BIRC6: variants seen among roughly 807,000 people sequenced by gnomAD.
BIRC6 encodes baculoviral IAP repeat containing 6, also known as dual E2 ubiquitin-conjugating enzyme/E3 ubiquitin-protein ligase BIRC6.
A neutral mutation model predicts 503.3 loss-of-function variants in BIRC6; 98 were observed. That is an observed-to-expected ratio of 0.19 (90% confidence interval 0.17 to 0.23). BIRC6 has a LOEUF of 0.23. Among genes scored for constraint, BIRC6 ranks in the 10% least tolerant of loss-of-function variants. The pLI, the probability that BIRC6 is intolerant of heterozygous loss-of-function variation, is 1.00. For missense variants in BIRC6, 5,360 were observed against 5,806.0 expected (o/e 0.92, Z 2.50); for synonymous variants, 2,240 against 2,078.7 (o/e 1.08, Z -2.11).
chr2:32,415,839 A>G lies in BIRC6; in HGVS notation c.2548A>G (p.Lys850Glu). The G allele has an allele frequency of 6.2e-7, 1 of 1,613,902 alleles. No homozygotes were observed. Among genetic ancestry groups the G allele is most frequent in the Non-Finnish European group, 8.5e-7 (1 of 1,179,880 alleles). ...GGAGCCAATAAAAATACAACATATC[A>G]AAGATCCCCAGGACACAATTACCTC... ...EEEPIKIQHI[K>E]DPQDTITSLI... is the part of the protein sequence containing the mutation. The change falls in exon 10 of 74, where the codon AAA becomes GAA. Residue 850 changes from lysine (K) to glutamate (E), a missense_variant. Transcript: ENST00000421745.
chr2:32,395,168 GACA>G (rs1481496098), intron 5 of BIRC6, among the ~76,000 whole-genome samples: 4 of 151,846 alleles, frequency 2.6e-5, no homozygotes, highest in African/African-American at 9.7e-5. Context: ...CAGCAACAAC[GACA>G]ACAACAGAAA....
intron 40 of BIRC6, 49 bp downstream of exon 40, chr2:32,485,808 T>A: frequency 8.2e-7 from 1 of 1,213,736 alleles, no homozygotes. Context: ...GATTCAGCTC[T>A]TCATCATTTT....
At position 32,369,996 on chromosome 2, in the gene BIRC6, A is replaced by G. The variant is rs954762054; in HGVS notation, c.326-7592A>G. On this transcript the variant is annotated intron_variant, in intron 1 of 73. Transcript: ENST00000421745. ...TATATATATATATATGTATGTATGT[A>G]TGTGTGTGTATATATATGCATATAT... Among the ~76,000 whole-genome samples the G allele has an allele frequency of 2.4e-3, 265 of 111,910 alleles. 8 individuals carry two copies. Among genetic ancestry groups the G allele is most frequent in the African/African-American group, 8.4e-3 (247 of 29,380 alleles). 73.4% of individuals were successfully genotyped at this position (111,910 alleles called of 152,430 possible).
At chr2:32,447,386 T>C (rs1216155741) in intron 21 of BIRC6, among the ~76,000 whole-genome samples, 135 of 121,686 alleles carry the variant, frequency 1.1e-3, no homozygotes, top group African/African-American at 4.2e-3. Flanking sequence ...GGGGGGCTGA[T>C]CCCCCCACCT....
chr2:32,463,711 T>C (rs1029721628), intron 24 of BIRC6, among the ~76,000 whole-genome samples: 6 of 152,208 alleles, frequency 3.9e-5, no homozygotes, highest in African/African-American at 1.4e-4. Context: ...CAAAATTTTA[T>C]AGAACAGTTA....
intron 1 of BIRC6, among the ~76,000 whole-genome samples, chr2:32,363,784 A>G (rs2034467887): frequency 6.6e-6 from 1 of 152,224 alleles, no homozygotes; most frequent in South Asian, 2.1e-4. Context: ...GTGGTCAAAC[A>G]TGTTAAAAGT....
At chr2:32,504,193 C>T (rs1572670825) in intron 49 of BIRC6, among the ~76,000 whole-genome samples, 1 of 152,010 alleles carries the variant, frequency 6.6e-6, no homozygotes, top group African/African-American at 2.4e-5. Context: ...GCCACTGTGC[C>T]TGGCCTTAAA....
At chr2:32,442,499 T>C in intron 19 of BIRC6, 44 bp downstream of exon 19, 1 of 1,524,290 alleles carries the variant, frequency 6.6e-7, no homozygotes, top group Non-Finnish European at 8.9e-7. Context: ...TAGGTACACC[T>C]GCAATTTAGT....
intron 10 of BIRC6, among the ~76,000 whole-genome samples, chr2:32,416,908 C>T (rs1368339218): frequency 6.6e-6 from 1 of 151,682 alleles, no homozygotes; most frequent in Non-Finnish European, 1.5e-5. Context: ...CCAATCTCAG[C>T]TCACTGCAAC....
intron 10 of BIRC6, among the ~76,000 whole-genome samples, chr2:32,424,669 C>T (rs561198933): frequency 5.9e-5 from 9 of 152,104 alleles, no homozygotes; most frequent in South Asian, 4.2e-4. Flanking sequence ...CGCACCACCA[C>T]GCCCAGCTAT....
At chr2:32,363,085 C>A (rs1326079225) in intron 1 of BIRC6, among the ~76,000 whole-genome samples, 1 of 152,096 alleles carries the variant, frequency 6.6e-6, no homozygotes, top group Non-Finnish European at 1.5e-5. Flanking sequence ...GGTCCCAGCA[C>A]CTTGGGAGGC....
At chr2:32,484,215 T>G (rs544887550) in intron 39 of BIRC6, among the ~76,000 whole-genome samples, 1 of 152,228 alleles carries the variant, frequency 6.6e-6, no homozygotes, top group Non-Finnish European at 1.5e-5. Context: ...AGCAGAATGG[T>G]ACTCGGAAAC....
In BIRC6 at chr2:32,473,163, G is replaced by A. The variant is rs3820921; in HGVS notation, c.6644G>A (p.Arg2215Lys). 5.1e-6 allele frequency: 8 copies of A among 1,578,774 alleles called. No homozygotes were observed. The highest frequency in any genetic ancestry group is 2.3e-5 in the South Asian group (2 of 86,192). The change falls in exon 33 of 74, where the codon AGA becomes AAA. Residue 2215 changes from arginine (R) to lysine (K), a missense_variant. Physicochemically the swap from Arg to Lys is conservative, Grantham distance 26. Transcript: ENST00000421745. ...NNNLHTQSLN[R>K]SSKGSSSLDR... is the part of the protein sequence containing the mutation. ...AATCTACACACTCAGAGCTTAAATA[G>A]ATCTTCTAAAGGCAGCAGTAGCCTT...
At position 32,468,619 on chromosome 2, in the gene BIRC6, A is replaced by G. The variant is rs765112368; in HGVS notation, c.5963A>G (p.His1988Arg). 1.2e-6 allele frequency: 2 copies of G among 1,614,030 alleles called. No individual in the cohort carries two copies. The highest frequency in any genetic ancestry group is 2.2e-5 in the East Asian group (1 of 44,880). The part of the protein sequence containing the change: ...IQLQLQLNLA[H>R]NAVQRLKVAL... ...CTACAGCTTCAACTAAATTTGGCTC[A>G]TAATGCAGTGCAGAGGCTCAAAGTG... The change falls in exon 29 of 74, where the codon CAT becomes CGT. Residue 1988 changes from histidine to arginine, a missense_variant. Physicochemically the swap from His to Arg is conservative, Grantham distance 29. Coordinates refer to ENST00000421745, the MANE Select transcript of BIRC6 (RefSeq NM_016252.4).
intron 9 of BIRC6, among the ~76,000 whole-genome samples, chr2:32,411,969 G>A (rs992159801): frequency 2.0e-5 from 3 of 152,016 alleles, no homozygotes; most frequent in Admixed American, 6.6e-5. Flanking sequence ...TTCTGGAAAC[G>A]GGGTTTTACT....
chr2:32,489,632 T>G (rs2051448109), intron 42 of BIRC6, among the ~76,000 whole-genome samples: 1 of 152,052 alleles, frequency 6.6e-6, no homozygotes, highest in Non-Finnish European at 1.5e-5. Flanking sequence ...GCCAACATGG[T>G]GAAAAAAATA....
At chr2:32,529,945 A>G in intron 60 of BIRC6, 121 bp downstream of exon 60, 2 of 609,380 alleles carry the variant, frequency 3.3e-6, no homozygotes, top group Non-Finnish European at 4.8e-6. Flanking sequence ...TAATTTTTTT[A>G]TGACTGAATT....
intron 32 of BIRC6, among the ~76,000 whole-genome samples, chr2:32,471,533 T>C (rs2149003567): frequency 6.6e-6 from 1 of 152,338 alleles, no homozygotes; most frequent in Middle Eastern, 3.4e-3. Flanking sequence ...AAATGGCCTG[T>C]ATTTTTAAAT....
intron 3 of BIRC6, among the ~76,000 whole-genome samples, chr2:32,386,717 G>A (rs1004073883): frequency 2.6e-5 from 4 of 152,118 alleles, no homozygotes; most frequent in Non-Finnish European, 5.9e-5. Context: ...TAGGATTATA[G>A]GTATGAAGGC....
Sources: allele counts gnomAD v4.1 joint callset (sites outside exome capture counted in the v4.1 genomes callset), GRCh38; gene constraint gnomAD v4.1.1; transcripts MANE v1.5; gene names NCBI Gene and HGNC (gene_info 2026-07-23, HGNC 2026-07-21).